Variants in AGGF1 observed in about 807,000 individuals in gnomAD.
AGGF1 encodes angiogenic factor with G patch and FHA domains 1.
Under a neutral mutation model 86.5 loss-of-function variants are expected in AGGF1, and 56 were observed. The observed-to-expected ratio is 0.65, with a 90% CI of 0.52 to 0.81. AGGF1 has a LOEUF of 0.81. Ranked by LOEUF, AGGF1 falls within the 30% of genes least tolerant of loss-of-function variation. The pLI, the probability that AGGF1 is intolerant of heterozygous loss-of-function variation, is 0.00. For missense variants in AGGF1, 816 were observed against 850.9 expected (o/e 0.96, Z 0.51); for synonymous variants, 313 against 297.1 (o/e 1.05, Z -0.55).
intron 5 of AGGF1, among the ~76,000 whole-genome samples, chr5:77,042,087 T>A (rs1747100160): frequency 6.6e-6 from 1 of 151,620 alleles, no homozygotes; most frequent in Admixed American, 6.6e-5. Context: ...CTTTTAACCC[T>A]GAGTGGACAC....
rs1747569131 is a variant in AGGF1, at chr5:77,061,814, A to T, written c.1944+12A>T. 1 of 1,599,470 alleles carries T rather than the reference A, an allele frequency of 6.3e-7. No individual in the cohort carries two copies. The highest frequency in any genetic ancestry group is 8.6e-7 in the Non-Finnish European group (1 of 1,167,050). On this transcript the variant is annotated intron_variant, in intron 13 of 13. Coordinates refer to ENST00000312916, the MANE Select transcript of AGGF1 (RefSeq NM_018046.5). ...GAATGAAAACGCCGGTAAGACTTGGATTTTCTTTTATTCATTTATTCCTAG... is the reference window on the plus strand; with the variant it reads ...GAATGAAAACGCCGGTAAGACTTGGTTTTTCTTTTATTCATTTATTCCTAG...
chr5:77,063,501 A>T lies in AGGF1; in HGVS notation c.*249A>T, dbSNP rs1580139166. 4.2e-6 allele frequency: 2 copies of T among 473,988 alleles called. No homozygotes were observed. The highest frequency in any genetic ancestry group is 4.8e-5 in the South Asian group (2 of 41,972). The allele number at this position is 473,988 out of a possible 1,614,324, so 29.4% of individuals were successfully genotyped here. ...ACGGATGAGTTTATCAAACTTCGTT[A>T]TTTTATCTTGTCATTTACAACATCC... On this transcript the variant is annotated 3_prime_UTR_variant, in exon 14 of 14. Transcript: ENST00000312916.
At chr5:77,034,393 T>A in intron 1 of AGGF1, 25 bp from the exon 2 acceptor site, 4 of 1,417,852 alleles carry the variant, frequency 2.8e-6, no homozygotes, top group Non-Finnish European at 4.0e-6. Context: ...TGATTTCTTT[T>A]TCCTAAAGCC....
chr5:77,063,038 A>G lies in AGGF1; in HGVS notation c.1945-14A>G. ...GACTCTAAAATAAGTCCTCTGCTCA[A>G]CTTTTGGTAACAGATCCAGCTTCAG... On this transcript the variant is annotated splice_polypyrimidine_tract_variant and intron_variant, in intron 13 of 13. Transcript: ENST00000312916. 5.6e-6 allele frequency: 9 copies of G among 1,613,962 alleles called. No individual in the cohort carries two copies. Among genetic ancestry groups the G allele is most frequent in the Non-Finnish European group, 7.6e-6 (9 of 1,179,930 alleles).
At chr5:77,062,129 T>A (rs1043216435) in intron 13 of AGGF1, among the ~76,000 whole-genome samples, 2 of 152,222 alleles carry the variant, frequency 1.3e-5, no homozygotes, top group Non-Finnish European at 2.9e-5. Flanking sequence ...AGTGTTAGTT[T>A]ACAAACAGGT....
At position 77,063,635 on chromosome 5, in the gene AGGF1, T is replaced by C. The variant is rs1024018360; in HGVS notation, c.*383T>C. On this transcript the variant is annotated 3_prime_UTR_variant, in exon 14 of 14. Transcript: ENST00000312916. ...TGTAAGATGCACAACAAAAGAAACA[T>C]CAGAAGTTTATAAAAATAAATCTGA... 1.0e-5 allele frequency: 2 copies of C among 198,176 alleles called. No individual in the cohort carries two copies. The highest frequency in any genetic ancestry group is 4.8e-5 in the African/African-American group (2 of 41,898). The allele number at this position is 198,176 out of a possible 1,614,324, so 12.3% of individuals were successfully genotyped here.
intron 1 of AGGF1, 56 bp downstream of exon 1, chr5:77,031,032 C>T: frequency 1.3e-6 from 2 of 1,577,280 alleles, no homozygotes; most frequent in Non-Finnish European, 1.7e-6. Flanking sequence ...GCCTTCGAAG[C>T]CCGTGATAGC....
chr5:77,062,051 T>G (rs1420861572), intron 13 of AGGF1, among the ~76,000 whole-genome samples: 7 of 152,208 alleles, frequency 4.6e-5, no homozygotes, highest in Admixed American at 4.6e-4. Context: ...TGCTGTTTCC[T>G]GAGCCAAAGG....
At position 77,035,755 on chromosome 5, in the gene AGGF1, C is replaced by T; in HGVS notation, c.516+12C>T. Reference sequence around the variant, plus strand: ...CCTCAAATTCACAGGTAATAAAATGCTAAACATGAAACTGTTGATGCCCAA... The same window carrying T: ...CCTCAAATTCACAGGTAATAAAATGTTAAACATGAAACTGTTGATGCCCAA... On this transcript the variant is annotated intron_variant, in intron 3 of 13. Coordinates refer to ENST00000312916, the MANE Select transcript of AGGF1 (RefSeq NM_018046.5). 6.2e-7 allele frequency: 1 copy of T among 1,606,184 alleles called. No homozygotes were observed. Among genetic ancestry groups the T allele is most frequent in the Admixed American group, 1.7e-5 (1 of 59,976 alleles).
At position 77,057,989 on chromosome 5, in the gene AGGF1, A is replaced by G. The variant is rs527458210; in HGVS notation, c.1717-1627A>G. Among the ~76,000 whole-genome samples, 3 of 152,318 alleles carry G rather than the reference A, an allele frequency of 2.0e-5. No individual in the cohort carries two copies. In the East Asian group the frequency reaches 5.8e-4, roughly 29 times the overall value. ...AACTTCTAGGAAAGCAAACTAATGT[A>G]TTGTGACAGAAGGAAGATGAGTGAT... On this transcript the variant is annotated intron_variant, in intron 11 of 13. Transcript: ENST00000312916.
At chr5:77,060,896 CAA>C (rs1747551360) in intron 12 of AGGF1, among the ~76,000 whole-genome samples, 1 of 151,890 alleles carries the variant, frequency 6.6e-6, no homozygotes, top group African/African-American at 2.4e-5. Context: ...TTAAATAAGA[CAA>C]ATTTAAAATA....
intron 5 of AGGF1, among the ~76,000 whole-genome samples, chr5:77,046,000 T>C (rs1747240672): frequency 6.6e-6 from 1 of 152,202 alleles, no homozygotes; most frequent in Non-Finnish European, 1.5e-5. Flanking sequence ...TATCCCATAG[T>C]CCAGGCAGTA....
chr5:77,047,845 A>G (rs1580131247), intron 6 of AGGF1, among the ~76,000 whole-genome samples: 2 of 148,042 alleles, frequency 1.4e-5, no homozygotes, highest in East Asian at 3.9e-4. Context: ...AATGGACTCA[A>G]TTTTTATAAC....
At chr5:77,042,559 G>A (rs1310191471) in intron 5 of AGGF1, among the ~76,000 whole-genome samples, 45 of 67,534 alleles carry the variant, frequency 6.7e-4, no homozygotes, top group South Asian at 7.9e-4. Flanking sequence ...CCTCCCGGAC[G>A]GGGCGGCTGG....
At chr5:77,040,759 A>G (rs1332946149) in intron 5 of AGGF1, among the ~76,000 whole-genome samples, 4 of 152,164 alleles carry the variant, frequency 2.6e-5, no homozygotes, top group African/African-American at 9.7e-5. Context: ...CAACTATTTG[A>G]TATCTTACTC....
chr5:77,062,357 CA>C (rs1747575644), intron 13 of AGGF1, among the ~76,000 whole-genome samples: 1 of 152,130 alleles, frequency 6.6e-6, no homozygotes, highest in East Asian at 1.9e-4. Flanking sequence ...ATAGATGGAT[CA>C]GTGTGAGTAT....
intron 11 of AGGF1, among the ~76,000 whole-genome samples, chr5:77,059,329 A>T (rs1747512383): frequency 6.6e-6 from 1 of 152,172 alleles, no homozygotes; most frequent in African/African-American, 2.4e-5. Context: ...CAATTTCTTC[A>T]TATCTTTTTT....
chr5:77,050,583 C>T (rs1388452702), intron 8 of AGGF1, among the ~76,000 whole-genome samples: 1 of 151,582 alleles, frequency 6.6e-6, no homozygotes, highest in Non-Finnish European at 1.5e-5. Flanking sequence ...AACATGTATC[C>T]AAATAGATGA....
chr5:77,058,266 CAATT>C (rs2065843631), intron 11 of AGGF1, among the ~76,000 whole-genome samples: 1 of 151,968 alleles, frequency 6.6e-6, no homozygotes, highest in African/African-American at 2.4e-5. Flanking sequence ...ACCAGGAAGG[CAATT>C]AATTAATATT....
Sources: gnomAD v4.1 joint callset for allele counts (sites outside exome capture counted in the v4.1 genomes callset) on GRCh38, gnomAD v4.1.1 for gene constraint, MANE v1.5 for transcripts, NCBI Gene and HGNC (gene_info 2026-07-23, HGNC 2026-07-21) for gene names.